NDST1: variants seen among roughly 807,000 people sequenced by gnomAD.
NDST1 encodes bifunctional heparan sulfate N-deacetylase/N-sulfotransferase 1.
In NDST1, 35 loss-of-function variants were observed where a neutral mutation model predicts 92.8. The ratio of observed to expected loss-of-function variants is 0.38; its 90% CI spans 0.29 to 0.50. The LOEUF (loss-of-function observed/expected upper bound fraction) is 0.50. Among genes scored for constraint, NDST1 ranks in the 20% least tolerant of loss-of-function variants. The pLI is 0.94. For synonymous variants in NDST1, 493 were observed against 500.3 expected, an observed-to-expected ratio of 0.99 and a Z score of 0.19; for missense variants, 822 against 1,182.7, an observed-to-expected ratio of 0.69 and a Z score of 4.47.
rs746431565 is a variant in NDST1 at position 150,540,106 on chromosome 5, T to C, written c.1591T>C (p.Ser531Pro). 3.1e-6 allele frequency: 5 copies of C among 1,614,080 alleles called. No homozygotes were observed. Among genetic ancestry groups the C allele is most frequent in the Non-Finnish European group, 3.4e-6 (4 of 1,180,038 alleles). Residue 531 changes from serine to proline, a missense_variant, in exon 8 of 15, where the codon TCC becomes CCC. By Grantham distance (74) the Ser-to-Pro change is moderately conservative (BLOSUM62 -1). Transcript: ENST00000261797. ...NPISIFMTHLSNYGNDRLGLY... is the reference protein window; with the variant it reads ...NPISIFMTHLPNYGNDRLGLY... ...GATCAGCATCTTCATGACGCACCTGTCCAACTATGGGAATGACCGCCTGGG... is the reference window on the plus strand; with the variant it reads ...GATCAGCATCTTCATGACGCACCTGCCCAACTATGGGAATGACCGCCTGGG...
intron 10 of NDST1, among the ~76,000 whole-genome samples, chr5:150,544,059 G>A (rs1042777740): frequency 1.3e-5 from 2 of 152,168 alleles, no homozygotes; most frequent in African/African-American, 4.8e-5. Flanking sequence ...ATTACGGCGT[G>A]CGCCACTGCG....
At chr5:150,545,531 T>A in intron 11 of NDST1, 45 bp downstream of exon 11, 1 of 1,600,740 alleles carries the variant, frequency 6.2e-7, no homozygotes, top group Non-Finnish European at 8.6e-7. Flanking sequence ...AACACAGGGC[T>A]CCGTCTGACA....
intron 3 of NDST1, among the ~76,000 whole-genome samples, chr5:150,530,248 C>T (rs1274497733): frequency 6.6e-6 from 1 of 152,190 alleles, no homozygotes; most frequent in Non-Finnish European, 1.5e-5. Flanking sequence ...ATTGTGTTTC[C>T]TCCTGAAATT....
chr5:150,499,785 G>A (rs1398306482), intron 1 of NDST1, among the ~76,000 whole-genome samples: 13 of 152,226 alleles, frequency 8.5e-5, no homozygotes, highest in Non-Finnish European at 2.9e-5. Context: ...CCACCCTGCA[G>A]TGTAACCAAG....
intron 1 of NDST1, among the ~76,000 whole-genome samples, chr5:150,510,990 T>C (rs1415580709): frequency 6.6e-6 from 1 of 152,174 alleles, no homozygotes; most frequent in Non-Finnish European, 1.5e-5. Context: ...AGATGGGGGA[T>C]GAGGGGCCCA....
At position 150,498,810 on chromosome 5, in the gene NDST1, T is replaced by A. The variant is rs1753108717; in HGVS notation, c.-388+571T>A. On this transcript the variant is annotated intron_variant, in intron 1 of 1. Coordinates refer to the NDST1 transcript ENST00000518299. ...AGAGGTTTGCTGGGCTGGCGGCCCC[T>A]CCTCCCGCTACCTGGGGACAGCACT... Among the ~76,000 whole-genome samples, 3 of 152,204 alleles carry A rather than the reference T, an allele frequency of 2.0e-5. No homozygotes were observed. The South Asian group carries it at 6.2e-4, about 32-fold the overall frequency.
intron 8 of NDST1, 68 bp downstream of exon 8, chr5:150,540,332 C>T (rs1331758942): frequency 6.7e-7 from 1 of 1,483,378 alleles, no homozygotes; most frequent in East Asian, 2.3e-5. Context: ...GGCACACACT[C>T]CAGATATGGA....
At chr5:150,504,995 G>A (rs190451578), upstream of NDST1, among the ~76,000 whole-genome samples, 1 of 152,282 alleles carries the variant, frequency 6.6e-6, no homozygotes, top group Admixed American at 6.5e-5. Flanking sequence ...TTATCCTCTG[G>A]AAACCCCACT....
At chr5:150,520,242 A>G (rs1272607293) in intron 1 of NDST1, among the ~76,000 whole-genome samples, 1 of 152,122 alleles carries the variant, frequency 6.6e-6, no homozygotes, top group East Asian at 1.9e-4. Flanking sequence ...TAAAGGTGTA[A>G]TGGTCACCTG....
chr5:150,540,105 G>T lies in NDST1; in HGVS notation c.1590G>T (p.Leu530=), dbSNP rs1479022576. 6.2e-7 allele frequency: 1 copy of T among 1,614,218 alleles called. No homozygotes were observed. The highest frequency in any genetic ancestry group is 8.5e-7 in the Non-Finnish European group (1 of 1,180,046). The change falls in exon 8 of 15, where the codon CTG becomes CTT. Residue 530 remains leucine, a synonymous_variant. Coordinates refer to ENST00000261797, the MANE Select transcript of NDST1 (RefSeq NM_001543.5). ...LNPISIFMTH[L]SNYGNDRLGL... is the part of the protein sequence containing the mutation. ...AGATCAGCATCTTCATGACGCACCTGTCCAACTATGGGAATGACCGCCTGG... is the reference window on the plus strand; with the variant it reads ...AGATCAGCATCTTCATGACGCACCTTTCCAACTATGGGAATGACCGCCTGG...
chr5:150,546,959 A>G (rs1755514157), intron 11 of NDST1, among the ~76,000 whole-genome samples: 1 of 152,022 alleles, frequency 6.6e-6, no homozygotes, highest in Non-Finnish European at 1.5e-5. Context: ...TGTGCAGGGA[A>G]TGGGCAGTCT....
chr5:150,537,587 A>G (rs1471045924), intron 6 of NDST1, among the ~76,000 whole-genome samples: 4 of 152,212 alleles, frequency 2.6e-5, no homozygotes, highest in Admixed American at 2.6e-4. Flanking sequence ...CTGTCTGCTG[A>G]TAAGATGTTA....
In NDST1 at chr5:150,549,743, G is replaced by A. The variant is rs141920788; in HGVS notation, c.2382G>A (p.Lys794=). ...CCAAAGTGATGGACATGGTGCAGAAGTTCCTTGGGGTGACCAACACCATTG... is the reference window on the plus strand; with the variant it reads ...CCAAAGTGATGGACATGGTGCAGAAATTCCTTGGGGTGACCAACACCATTG... ...EPAKVMDMVQ[K]FLGVTNTIDY... Residue 794 remains lysine, a synonymous_variant, in exon 13 of 15, where the codon AAG becomes AAA. Transcript: ENST00000261797. 3.7e-5 allele frequency: 60 copies of A among 1,614,078 alleles called. No individual in the cohort carries two copies. Among genetic ancestry groups the A allele is most frequent in the African/African-American group, 2.4e-4 (18 of 75,066 alleles).
upstream of NDST1, among the ~76,000 whole-genome samples, chr5:150,506,783 G>T (rs28734495): frequency 0.21 from 31,798 of 151,798 alleles, 3,582 homozygotes; most frequent in Admixed American, 0.31. Flanking sequence ...AGCTTTTGTC[G>T]TGATGACAAG....
chr5:150,524,092 G>T (rs2151273705), intron 2 of NDST1, among the ~76,000 whole-genome samples: 1 of 152,348 alleles, frequency 6.6e-6, no homozygotes, highest in South Asian at 2.1e-4. Flanking sequence ...AGGGCAGTGT[G>T]AGAGCAGGGA....
At chr5:150,531,167 C>T (rs145029231) in intron 3 of NDST1, among the ~76,000 whole-genome samples, 132 of 152,138 alleles carry the variant, frequency 8.7e-4, no homozygotes, top group African/African-American at 2.9e-3. Context: ...GGCTGTACAG[C>T]GCAATTTAAA....
intron 1 of NDST1, among the ~76,000 whole-genome samples, chr5:150,516,840 A>G (rs1197388789): frequency 6.6e-6 from 1 of 151,866 alleles, no homozygotes; most frequent in Non-Finnish European, 1.5e-5. Context: ...TAATTTTTGT[A>G]TTTTTAGTGG....
At chr5:150,524,518 C>G (rs887650219) in intron 2 of NDST1, among the ~76,000 whole-genome samples, 1 of 152,236 alleles carries the variant, frequency 6.6e-6, no homozygotes, top group Admixed American at 6.5e-5. Flanking sequence ...AGTACCTGAC[C>G]TCTTTCATTG....
chr5:150,539,792 CTT>C (rs1755162444), intron 7 of NDST1: 1 of 984,832 alleles, frequency 1.0e-6, no homozygotes, highest in African/African-American at 1.7e-5. Context: ...GCTGAGTACT[CTT>C]TATCTTCCAT....
Sources: gnomAD v4.1 joint callset for allele counts (sites outside exome capture counted in the v4.1 genomes callset) on GRCh38, gnomAD v4.1.1 for gene constraint, MANE v1.5 for transcripts, NCBI Gene and HGNC (gene_info 2026-07-23, HGNC 2026-07-21) for gene names.